The following MON1B variants were observed in gnomAD, a reference collection of about 807,000 sequenced individuals.
MON1B encodes vacuolar fusion protein MON1 homolog B.
A neutral mutation model predicts 45.1 loss-of-function variants in MON1B; 26 were observed. That is an observed-to-expected ratio of 0.58 (90% CI 0.42 to 0.80). MON1B has a LOEUF of 0.80. Among genes scored for constraint, MON1B ranks in the 30% least tolerant of loss-of-function variants. The probability of loss-of-function intolerance (pLI) is 0.00; values close to 1 mark genes in which losing one functional copy is unlikely to be tolerated. For missense variants in MON1B, 737 were observed against 754.5 expected (o/e 0.98, Z 0.27); for synonymous variants, 395 against 320.2 (o/e 1.23, Z -2.49).
intron 5 of MON1B, among the ~76,000 whole-genome samples, chr16:77,197,747 C>T (rs1271613002): frequency 1.3e-5 from 2 of 152,220 alleles, no homozygotes; most frequent in East Asian, 1.9e-4. Context: ...TTATATTATT[C>T]CCTGGCTGTA....
chr16:77,199,228 C>G lies in MON1B; in HGVS notation c.*920C>G. ...CCTCACTCCCCAACTGGCCATTACC[C>G]TAGTTCTGCCCTTGTTTGTGGAGTT... On this transcript the variant is annotated 3_prime_UTR_variant, in exon 6 of 6. Coordinates refer to ENST00000248248, the MANE Select transcript of MON1B (RefSeq NM_014940.4). 1.8e-6 allele frequency: 1 copy of G among 558,912 alleles called. No individual in the cohort carries two copies. Among genetic ancestry groups the G allele is most frequent in the Non-Finnish European group, 3.2e-6 (1 of 311,446 alleles). 34.6% of individuals were successfully genotyped at this position (558,912 alleles called of 1,614,324 possible). A position where few individuals can be genotyped will look rare whatever the true frequency, so the allele number is the denominator to read the frequency against.
In MON1B at chr16:77,193,359, T is replaced by C; in HGVS notation, c.149-92T>C. 1 of 1,279,566 alleles carries C rather than the reference T, an allele frequency of 7.8e-7. No homozygotes were observed. Among genetic ancestry groups the C allele is most frequent in the Non-Finnish European group, 1.1e-6 (1 of 924,384 alleles). The allele number at this position is 1,279,566 out of a possible 1,614,324, so 79.3% of individuals were successfully genotyped here. On this transcript the variant is annotated intron_variant, in intron 2 of 5. Transcript: ENST00000248248. This position sits in a 1 kb window ranked among gnomAD's most constrained non-coding sequence, Gnocchi z 5.0. The stretch of plus-strand genomic sequence containing the variant: ...GTTCTGCGTCAGCATGCAGGGGTCA[T>C]GGAGGGGCTAGTAGATATTTGGTGG...
rs2054690822 is a variant in MON1B at position 77,198,465 on chromosome 16, G to C, written c.*157G>C. ...TGAGGGCCCACCGATGAGAGAGATG[G>C]TGGCAGCCGCCAGGCGAGCAGGCTG... is the stretch of plus-strand genomic sequence containing the variant. On this transcript the variant is annotated 3_prime_UTR_variant, in exon 6 of 6. Coordinates refer to ENST00000248248, the MANE Select transcript of MON1B (RefSeq NM_014940.4). 3.8e-6 allele frequency: 3 copies of C among 798,374 alleles called. No individual in the cohort carries two copies. The East Asian group carries it at 8.0e-5, about 21-fold the overall frequency. 49.5% of individuals were successfully genotyped at this position (798,374 alleles called of 1,614,324 possible).
Position 77,199,470 on chromosome 16 carries a change from CCT to C in MON1B, c.*1165_*1166del, listed in dbSNP as rs756075235. 238 of 1,551,274 alleles carry C rather than the reference CCT, an allele frequency of 1.5e-4. No individual in the cohort carries two copies. Among genetic ancestry groups the C allele is most frequent in the Admixed American group, 2.7e-4 (14 of 50,994 alleles). On this transcript the variant is annotated 3_prime_UTR_variant, in exon 6 of 6. Coordinates refer to ENST00000248248, the MANE Select transcript of MON1B (RefSeq NM_014940.4). ...TTGGAAAATGGCGGGGAAGCTGAAACCTCTGAATGTGGAGGCGCCAGAAGCTA... is the reference window on the plus strand; with the variant it reads ...TTGGAAAATGGCGGGGAAGCTGAAACCTGAATGTGGAGGCGCCAGAAGCTA...
chr16:77,198,189 C>T lies in MON1B; in HGVS notation c.1525C>T (p.Leu509=), dbSNP rs2054686516. Residue 509 remains leucine, a synonymous_variant, in exon 6 of 6, where the codon CTG becomes TTG. Transcript: ENST00000248248. Reference sequence around the variant, plus strand: ...TGCAATCTTGGTAGTGACCAAACTCCTGCGCTGGGTGAAGAAAGAGGAGGA... The same window carrying T: ...TGCAATCTTGGTAGTGACCAAACTCTTGCGCTGGGTGAAGAAAGAGGAGGA... ...AGAILVVTKL[L]RWVKKEEDRL... 2 of 1,614,158 alleles carry T rather than the reference C, an allele frequency of 1.2e-6. No individual in the cohort carries two copies. Among genetic ancestry groups the T allele is most frequent in the Non-Finnish European group, 1.7e-6 (2 of 1,180,030 alleles).
Position 77,191,222 on chromosome 16 carries a change from A to C in MON1B, c.-47A>C, listed in dbSNP as rs867708575. On this transcript the variant is annotated 5_prime_UTR_variant, in exon 1 of 6. The change abolishes an upstream ATG in the 5' untranslated region. Transcript: ENST00000248248. ...ATGCCACCGCCGCTACGGGGAAGTA[A>C]TGGTATCCGGCCAATTGAGATTCGG... 3.9e-6 allele frequency: 6 copies of C among 1,536,316 alleles called. No homozygotes were observed. Among genetic ancestry groups the C allele is most frequent in the Non-Finnish European group, 4.4e-6 (5 of 1,146,920 alleles).
In MON1B at chr16:77,193,533, T is replaced by A. The variant is rs1351723989; in HGVS notation, c.231T>A (p.Ser77Arg). Residue 77 changes from serine to arginine, a missense_variant, in exon 3 of 6, where the codon AGT becomes AGA. Ser to Arg is a moderately radical substitution (Grantham distance 110, BLOSUM62 -1). Transcript: ENST00000248248. This position sits in a 1 kb window ranked among gnomAD's most constrained non-coding sequence, Gnocchi z 5.0. ...TGTCAAGCACCTCTCGGCTCTGGAGTCCTGCAGCCCCTGAGAATAGTCCCA... is the reference window on the plus strand; with the variant it reads ...TGTCAAGCACCTCTCGGCTCTGGAGACCTGCAGCCCCTGAGAATAGTCCCA... The part of the protein sequence containing the change: ...EALSSTSRLW[S>R]PAAPENSPTC... 1 of 1,613,126 alleles carries A rather than the reference T, an allele frequency of 6.2e-7. No homozygotes were observed. Among genetic ancestry groups the A allele is most frequent in the Non-Finnish European group, 8.5e-7 (1 of 1,179,492 alleles).
rs369675630 is a variant in MON1B at position 77,193,723 on chromosome 16, G to A, written c.421G>A (p.Ala141Thr). 5.6e-6 allele frequency: 9 copies of A among 1,613,880 alleles called. No individual in the cohort carries two copies. Among genetic ancestry groups the A allele is most frequent in the East Asian group, 2.2e-5 (1 of 44,882 alleles). The change falls in exon 3 of 6, where the codon GCC becomes ACC. Residue 141 changes from alanine to threonine, a missense_variant. By Grantham distance (58) the Ala-to-Thr change is moderately conservative. Coordinates refer to ENST00000248248, the MANE Select transcript of MON1B (RefSeq NM_014940.4). This position sits in a 1 kb window ranked among gnomAD's most constrained non-coding sequence, Gnocchi z 5.0. ...ALSATMGVMT[A>T]LVSFVQSAGD... ...GTCGGCTACCATGGGTGTAATGACC[G>A]CCCTGGTGTCCTTTGTGCAGAGTGC...
chr16:77,201,782 T>G lies in MON1B; in HGVS notation c.*3474T>G, dbSNP rs1479536598. On this transcript the variant is annotated 3_prime_UTR_variant, in exon 6 of 6. Coordinates refer to ENST00000248248, the MANE Select transcript of MON1B (RefSeq NM_014940.4). ...AGGCAGAAAAAAATTCTAATTTAAA[T>G]GTATTAAATTATAAGTTCTAATTTA... is the stretch of plus-strand genomic sequence containing the variant. 2 of 151,952 alleles carry G rather than the reference T, an allele frequency of 1.3e-5. No individual in the cohort carries two copies. The highest frequency in any genetic ancestry group is 2.9e-5 in the Non-Finnish European group (2 of 67,954). 9.4% of individuals were successfully genotyped at this position (151,952 alleles called of 1,614,324 possible). A position where few individuals can be genotyped will look rare whatever the true frequency, so the allele number is the denominator to read the frequency against.
Position 77,201,188 on chromosome 16 carries a change from C to G in MON1B, c.*2880C>G, listed in dbSNP as rs1204585178. Reference sequence around the variant, plus strand: ...TAATGTGTGACCAATGAAATAACTTCAAGAGCAGAGAGCTCTTTTAGATTA... The same window carrying G: ...TAATGTGTGACCAATGAAATAACTTGAAGAGCAGAGAGCTCTTTTAGATTA... On this transcript the variant is annotated 3_prime_UTR_variant, in exon 6 of 6. Coordinates refer to ENST00000248248, the MANE Select transcript of MON1B (RefSeq NM_014940.4). 1 of 152,142 alleles carries G rather than the reference C, an allele frequency of 6.6e-6. No individual in the cohort carries two copies. The highest frequency in any genetic ancestry group is 1.5e-5 in the Non-Finnish European group (1 of 68,028). 9.4% of individuals were successfully genotyped at this position (152,142 alleles called of 1,614,324 possible).
chr16:77,201,136 G>C lies in MON1B; in HGVS notation c.*2828G>C, dbSNP rs1353692600. 1 of 152,154 alleles carries C rather than the reference G, an allele frequency of 6.6e-6. No homozygotes were observed. The highest frequency in any genetic ancestry group is 2.4e-5 in the African/African-American group (1 of 41,438). 9.4% of individuals were successfully genotyped at this position (152,154 alleles called of 1,614,324 possible). A position where few individuals can be genotyped will look rare whatever the true frequency, so the allele number is the denominator to read the frequency against. On this transcript the variant is annotated 3_prime_UTR_variant, in exon 6 of 6. Coordinates refer to ENST00000248248, the MANE Select transcript of MON1B (RefSeq NM_014940.4). ...CTGCACCTAAAACAATGCCTGCTTG[G>C]TGTAAAGTAAGTGCTCAGTAATTTT...
chr16:77,191,414 C>G, intron 1 of MON1B, 62 bp from the exon 2 acceptor site: 1 of 1,576,410 alleles, frequency 6.3e-7, no homozygotes, highest in East Asian at 2.2e-5. Context: ...GGGCCTGACT[C>G]TATAAAGGCT....
chr16:77,193,130 G>A lies in MON1B; in HGVS notation c.149-321G>A, dbSNP rs1345057350. Among the ~76,000 whole-genome samples the A allele has an allele frequency of 6.6e-6, 1 of 152,098 alleles. No homozygotes were observed. The highest frequency in any genetic ancestry group is 1.5e-5 in the Non-Finnish European group (1 of 68,008). ...AATAATCGTCATCCAGAGTCAATGG[G>A]GTGCTTTGAAGACTTTGGAATAACA... On this transcript the variant is annotated intron_variant, in intron 2 of 5. Coordinates refer to ENST00000248248, the MANE Select transcript of MON1B (RefSeq NM_014940.4). The surrounding 1 kb of genome is among the most constrained non-coding windows in gnomAD (Gnocchi z 5.0).
intron 2 of MON1B, among the ~76,000 whole-genome samples, chr16:77,192,628 G>A (rs1258039362): frequency 6.6e-6 from 1 of 152,104 alleles, no homozygotes; most frequent in Non-Finnish European, 1.5e-5. Context: ...GATTGAAGGT[G>A]GTCAGGGGAG....
In MON1B at chr16:77,194,072, C is replaced by T. The variant is rs1405924478; in HGVS notation, c.476-263C>T. ...GAGCTGTGTCTTTCTGGCTCTGTGT[C>T]AGCCCTTGTACCATCTCTACCCGCC... On this transcript the variant is annotated intron_variant, in intron 3 of 5. Transcript: ENST00000248248. This position sits in a 1 kb window ranked among gnomAD's most constrained non-coding sequence, Gnocchi z 8.1. 42 of 600,536 alleles carry T rather than the reference C, an allele frequency of 7.0e-5. 1 individual carries two copies. The Admixed American group carries it at 1.2e-3, about 18-fold the overall frequency. 37.2% of individuals were successfully genotyped at this position (600,536 alleles called of 1,614,324 possible). A position where few individuals can be genotyped will look rare whatever the true frequency, so the allele number is the denominator to read the frequency against.
chr16:77,196,932 C>T (rs1291874627), intron 5 of MON1B, among the ~76,000 whole-genome samples: 1 of 152,092 alleles, frequency 6.6e-6, no homozygotes. Flanking sequence ...CCGGTGGGTA[C>T]CCTGATTTAG....
chr16:77,193,252 T>C lies in MON1B; in HGVS notation c.149-199T>C, dbSNP rs77357987. On this transcript the variant is annotated intron_variant, in intron 2 of 5. Coordinates refer to ENST00000248248, the MANE Select transcript of MON1B (RefSeq NM_014940.4). This position sits in a 1 kb window ranked among gnomAD's most constrained non-coding sequence, Gnocchi z 5.0. ...GTTTATTAGGGTTTTAGGAAGTTCA[T>C]TGGAACCTAAATGTTAGTGGAGATC... 4.3e-3 allele frequency among the ~76,000 whole-genome samples: 653 copies of C among 152,210 alleles called. 4 individuals are homozygous for C. Among genetic ancestry groups the C allele is most frequent in the African/African-American group, 0.015 (631 of 41,504 alleles).
At position 77,199,758 on chromosome 16, in the gene MON1B, A is replaced by C; in HGVS notation, c.*1450A>C. On this transcript the variant is annotated 3_prime_UTR_variant, in exon 6 of 6. Coordinates refer to ENST00000248248, the MANE Select transcript of MON1B (RefSeq NM_014940.4). ...GTGTATACGTTGTTGAAAGTAAACA[A>C]CATGTAGTTCAGTACGAAAGTCTTC... 1 of 429,604 alleles carries C rather than the reference A, an allele frequency of 2.3e-6. No homozygotes were observed. Among genetic ancestry groups the C allele is most frequent in the Non-Finnish European group, 4.1e-6 (1 of 242,052 alleles). 26.6% of individuals were successfully genotyped at this position (429,604 alleles called of 1,614,324 possible).
chr16:77,195,538 T>C lies in MON1B; in HGVS notation c.1299T>C (p.Pro433=), dbSNP rs755639920. 1 of 1,612,964 alleles carries C rather than the reference T, an allele frequency of 6.2e-7. No homozygotes were observed. The highest frequency in any genetic ancestry group is 1.7e-5 in the Admixed American group (1 of 59,890). ...HHRQLPQFTS[P]ELEAPYSREE... ...CCACCTCCCTCCATCATGGCAGCCCTGAGCTAGAGGCCCCCTACAGCAGAG... is the reference window on the plus strand; with the variant it reads ...CCACCTCCCTCCATCATGGCAGCCCCGAGCTAGAGGCCCCCTACAGCAGAG... The change falls in exon 5 of 6, where the codon CCT becomes CCC. Residue 433 remains proline, a synonymous_variant. Coordinates refer to ENST00000248248, the MANE Select transcript of MON1B (RefSeq NM_014940.4).
Sources: allele counts gnomAD v4.1 joint callset (sites outside exome capture counted in the v4.1 genomes callset), GRCh38; gene constraint gnomAD v4.1.1; non-coding constraint Gnocchi (gnomAD v3.1); transcripts MANE v1.5; gene names NCBI Gene and HGNC (gene_info 2026-07-23, HGNC 2026-07-21).